The following ANKFN1 variants were observed in gnomAD, a reference collection of about 807,000 sequenced individuals.
The protein encoded by ANKFN1 is ankyrin repeat and fibronectin type-III domain-containing protein 1.
ANKFN1 carries 74 observed loss-of-function variants against 108.7 expected under a neutral mutation model. That is an observed-to-expected ratio of 0.68 (90% CI 0.56 to 0.83). The LOEUF (loss-of-function observed/expected upper bound fraction) is 0.83, where lower values mean the gene tolerates loss of function less well. Ranked by LOEUF, ANKFN1 falls within the 40% of genes least tolerant of loss-of-function variation. The pLI is 0.00. For missense variants in ANKFN1, 1,505 were observed against 1,382.3 expected, an observed-to-expected ratio of 1.09 and a Z score of -1.41; for synonymous variants, 547 against 516.2, an observed-to-expected ratio of 1.06 and a Z score of -0.81.
At chr17:56,510,196 C>T (rs1461781110) in intron 20 of ANKFN1, among the ~76,000 whole-genome samples, 1 of 152,210 alleles carries the variant, frequency 6.6e-6, no homozygotes, top group Non-Finnish European at 1.5e-5. Context: ...AGGGAAGGTT[C>T]CTCTACTTCT....
chr17:56,116,532 C>T (rs1906286900), intron 4 of ANKFN1, among the ~76,000 whole-genome samples: 1 of 152,096 alleles, frequency 6.6e-6, no homozygotes, highest in African/African-American at 2.4e-5. Context: ...TGAGTTCTCA[C>T]TCTTAGTTCC....
chr17:56,286,123 T>G (rs528497480), intron 3 of ANKFN1, among the ~76,000 whole-genome samples: 2 of 152,298 alleles, frequency 1.3e-5, no homozygotes, highest in South Asian at 4.1e-4. Flanking sequence ...CCTTCAAGTC[T>G]ATAATTCCAA....
intron 20 of ANKFN1, among the ~76,000 whole-genome samples, chr17:56,500,380 T>A (rs1441548947): frequency 7.1e-6 from 1 of 140,366 alleles, no homozygotes; most frequent in Admixed American, 7.6e-5. Flanking sequence ...ACCAAAGGAG[T>A]CTATGACTTA....
At chr17:56,216,207 C>G (rs561663660) in intron 2 of ANKFN1, among the ~76,000 whole-genome samples, 9 of 152,344 alleles carry the variant, frequency 5.9e-5, no homozygotes, top group African/African-American at 1.9e-4. Flanking sequence ...GTAAACACTG[C>G]TCATTGATCA....
intron 1 of ANKFN1, chr17:56,174,443 T>C: frequency 2.0e-6 from 2 of 980,704 alleles, no homozygotes; most frequent in Non-Finnish European, 2.4e-6. Context: ...TTTTAGTGAA[T>C]TGCTTGAGGG....
intron 8 of ANKFN1, among the ~76,000 whole-genome samples, chr17:56,425,631 A>G (rs965070093): frequency 1.4e-4 from 21 of 152,132 alleles, no homozygotes; most frequent in African/African-American, 5.1e-4. Context: ...CGACCACACC[A>G]TGACTCCGTG....
chr17:56,170,807 T>TACACACACACACACACACACACAC lies in ANKFN1; in HGVS notation c.-71+17281_-71+17304dup, dbSNP rs112596144. Among the ~76,000 whole-genome samples, 262 of 61,344 alleles carry TACACACACACACACACACACACAC rather than the reference T, an allele frequency of 4.3e-3. 1 individual carries two copies. The highest frequency in any genetic ancestry group is 0.01 in the South Asian group (11 of 1,086). The allele number at this position is 61,344 out of a possible 152,430, so 40.2% of individuals were successfully genotyped here. A position where few individuals can be genotyped will look rare whatever the true frequency, so the allele number is the denominator to read the frequency against. On this transcript the variant is annotated intron_variant, in intron 1 of 20. Coordinates refer to ENST00000682825, the MANE Select transcript of ANKFN1 (RefSeq NM_001370326.1). ...ATATATATATATATATATATATATA[T>TACACACACACACACACACACACAC]ACACACACACACACACACACACACA...
intron 3 of ANKFN1, among the ~76,000 whole-genome samples, chr17:56,279,202 A>G (rs1388616955): frequency 6.6e-6 from 1 of 152,236 alleles, no homozygotes; most frequent in Non-Finnish European, 1.5e-5. Context: ...TATACCCAAT[A>G]TAAAGAACTA....
At chr17:56,189,170 C>CTTTTT (rs532063852) in intron 1 of ANKFN1, among the ~76,000 whole-genome samples, 29,620 of 84,680 alleles carry the variant, frequency 0.35, 6,926 homozygotes, top group East Asian at 0.6. Context: ...GTTGCCCTGA[C>CTTTTT]TTTTTTTTTT....
intron 18 of ANKFN1, among the ~76,000 whole-genome samples, chr17:56,484,973 G>A (rs2050814477): frequency 6.6e-6 from 1 of 152,134 alleles, no homozygotes; most frequent in Non-Finnish European, 1.5e-5. Flanking sequence ...CTGTTTCTGT[G>A]AGACTCACAC....
At chr17:56,370,512 T>C (rs186170492) in intron 6 of ANKFN1, among the ~76,000 whole-genome samples, 187 of 152,338 alleles carry the variant, frequency 1.2e-3, no homozygotes, top group African/African-American at 3.8e-3. Flanking sequence ...TGTTGACGCA[T>C]GCATGCAATT....
rs1567782012 is a variant in ANKFN1 at position 56,075,014 on chromosome 17, G to A, written c.288+28689G>A. ...GAAGGTGCTGGTGGATCTTGATTTTGCAGATGAAGAGGTCCAGATTAAAAA... is the reference window on the plus strand; with the variant it reads ...GAAGGTGCTGGTGGATCTTGATTTTACAGATGAAGAGGTCCAGATTAAAAA... On this transcript the variant is annotated intron_variant, in intron 4 of 12. Transcript: ENST00000635860. Among the ~76,000 whole-genome samples the A allele has an allele frequency of 2.0e-5, 3 of 152,318 alleles. No homozygotes were observed. In the South Asian group the frequency reaches 6.2e-4, roughly 32 times the overall value.
chr17:56,436,837 C>CAAAA (rs965424286), intron 8 of ANKFN1, among the ~76,000 whole-genome samples: 1 of 79,168 alleles, frequency 1.3e-5, no homozygotes, highest in African/African-American at 4.5e-5. Context: ...AACTCCATCT[C>CAAAA]AAAAAAAAAA....
chr17:56,445,754 T>A (rs139122238), intron 10 of ANKFN1, among the ~76,000 whole-genome samples: 99 of 152,312 alleles, frequency 6.5e-4, no homozygotes, highest in African/African-American at 2.3e-3. Flanking sequence ...GGCCTTAATG[T>A]GTTTTTACAG....
intron 4 of ANKFN1, among the ~76,000 whole-genome samples, chr17:56,144,439 C>T (rs1274439173): frequency 2.6e-5 from 4 of 152,202 alleles, no homozygotes; most frequent in Non-Finnish European, 5.9e-5. Context: ...CTTTGGCATG[C>T]ATCCAACCTT....
At chr17:56,217,532 A>G (rs1046230534) in intron 2 of ANKFN1, among the ~76,000 whole-genome samples, 7 of 152,168 alleles carry the variant, frequency 4.6e-5, no homozygotes, top group Admixed American at 4.6e-4. Context: ...TGTTGTCACA[A>G]ATGGCGAAGA....
intron 1 of ANKFN1, among the ~76,000 whole-genome samples, chr17:56,166,760 A>G (rs1765025796): frequency 6.6e-6 from 1 of 152,042 alleles, no homozygotes; most frequent in African/African-American, 2.4e-5. Context: ...GAATCCCCAT[A>G]GTATTTTTTT....
In ANKFN1 at chr17:56,157,494, C is replaced by T. The variant is rs371971805; in HGVS notation, c.-71+3964C>T. Among the ~76,000 whole-genome samples, 12 of 152,338 alleles carry T rather than the reference C, an allele frequency of 7.9e-5. No homozygotes were observed. The South Asian group carries it at 1.0e-3, about 13-fold the overall frequency. On this transcript the variant is annotated intron_variant, in intron 1 of 20. Coordinates refer to ENST00000682825, the MANE Select transcript of ANKFN1 (RefSeq NM_001370326.1). Reference sequence around the variant, plus strand: ...AATGCTTGCTTATTCCCAGAGACCACAGTTCAGATGCAAATGGATCTTCCT... The same window carrying T: ...AATGCTTGCTTATTCCCAGAGACCATAGTTCAGATGCAAATGGATCTTCCT...
At chr17:56,069,166 T>A (rs1053666043) in intron 4 of ANKFN1, among the ~76,000 whole-genome samples, 1 of 152,196 alleles carries the variant, frequency 6.6e-6, no homozygotes, top group Non-Finnish European at 1.5e-5. Flanking sequence ...CAAAGAACAA[T>A]ACTGTTGTTT....
Sources: gnomAD v4.1 joint callset for allele counts (sites outside exome capture counted in the v4.1 genomes callset) on GRCh38, gnomAD v4.1.1 for gene constraint, MANE v1.5 for transcripts, NCBI Gene and HGNC (gene_info 2026-07-23, HGNC 2026-07-21) for gene names.